The following UNC5B variants were observed in gnomAD, a reference collection of about 807,000 sequenced individuals.
UNC5B encodes netrin receptor UNC5B.
UNC5B carries 56 observed loss-of-function variants against 103.7 expected under a neutral mutation model. The ratio of observed to expected loss-of-function variants is 0.54; its 90% CI spans 0.44 to 0.67. The LOEUF (loss-of-function observed/expected upper bound fraction) is 0.67. UNC5B is among the 30% of genes least tolerant of loss of function. The pLI is 0.00. For synonymous variants in UNC5B, 577 were observed against 542.0 expected (o/e 1.06, Z -0.90); for missense variants, 1,194 against 1,284.5 (o/e 0.93, Z 1.08).
In UNC5B at chr10:71,299,571, C is replaced by T. The variant is rs142620431; in HGVS notation, c.*294C>T. On this transcript the variant is annotated 3_prime_UTR_variant, in exon 17 of 17. Coordinates refer to ENST00000335350, the MANE Select transcript of UNC5B (RefSeq NM_170744.5). ...GCCTCTGGAGGCAGTTGGTTGGGGG[C>T]GGGCAGGCAGGAGGCCCTCCCTCCA... The T allele has an allele frequency of 3.4e-4, 102 of 297,144 alleles. 2 individuals are homozygous for T. In the Admixed American group the frequency reaches 3.9e-3, roughly 11 times the overall value. 18.4% of individuals were successfully genotyped at this position (297,144 alleles called of 1,614,324 possible).
chr10:71,241,982 C>T (rs961779381), intron 1 of UNC5B, among the ~76,000 whole-genome samples: 1 of 152,128 alleles, frequency 6.6e-6, no homozygotes, highest in Admixed American at 6.5e-5. Flanking sequence ...GCCTAGCAGT[C>T]CCTGGCTGCC....
intron 3 of UNC5B, 116 bp downstream of exon 3, chr10:71,284,979 C>G: frequency 1.4e-6 from 2 of 1,436,132 alleles, no homozygotes; most frequent in Admixed American, 4.7e-5. Context: ...CTGAGGATGC[C>G]CACGGCAGAG....
At chr10:71,231,285 G>C (rs1044482491) in intron 1 of UNC5B, among the ~76,000 whole-genome samples, 1 of 152,174 alleles carries the variant, frequency 6.6e-6, no homozygotes, top group Non-Finnish European at 1.5e-5. Flanking sequence ...GCGAGAGTAT[G>C]GGCTCGGCCA....
intron 1 of UNC5B, among the ~76,000 whole-genome samples, chr10:71,250,351 C>A (rs1331252836): frequency 6.6e-6 from 1 of 152,260 alleles, no homozygotes; most frequent in Non-Finnish European, 1.5e-5. Flanking sequence ...CATCATTGCC[C>A]CTCTCCCAGC....
At chr10:71,224,548 C>G (rs1843523524) in intron 1 of UNC5B, among the ~76,000 whole-genome samples, 1 of 152,200 alleles carries the variant, frequency 6.6e-6, no homozygotes, top group African/African-American at 2.4e-5. Context: ...TTGGGCCAGT[C>G]CTTTTCCCTC....
intron 1 of UNC5B, among the ~76,000 whole-genome samples, chr10:71,264,156 G>C (rs1844473316): frequency 6.6e-6 from 1 of 152,180 alleles, no homozygotes; most frequent in African/African-American, 2.4e-5. Context: ...CTGCCACTTA[G>C]TAACTGTCTG....
intron 2 of UNC5B, among the ~76,000 whole-genome samples, chr10:71,284,322 G>A (rs1209564856): frequency 6.6e-6 from 1 of 152,220 alleles, no homozygotes; most frequent in Non-Finnish European, 1.5e-5. Flanking sequence ...GGGCCTGGAA[G>A]ACACCCGGTG....
intron 1 of UNC5B, among the ~76,000 whole-genome samples, chr10:71,253,214 C>T (rs1477357240): frequency 6.6e-6 from 1 of 152,190 alleles, no homozygotes; most frequent in African/African-American, 2.4e-5. Context: ...GCCCAACCCT[C>T]CCCAGCACTG....
At chr10:71,297,819 G>T in intron 15 of UNC5B, 90 bp from the exon 16 acceptor site, 1 of 1,391,174 alleles carries the variant, frequency 7.2e-7, no homozygotes, top group Non-Finnish European at 9.8e-7. Flanking sequence ...GTGACTCAAG[G>T]CTCAATGAGC....
intron 1 of UNC5B, among the ~76,000 whole-genome samples, chr10:71,239,779 T>C (rs1019270431): frequency 2.0e-5 from 3 of 152,180 alleles, no homozygotes; most frequent in Admixed American, 2.0e-4. Flanking sequence ...AGAGGGCCCC[T>C]GGGTGACCCT....
At position 71,286,812 on chromosome 10, in the gene UNC5B, G is replaced by T. The variant is rs199873525; in HGVS notation, c.676G>T (p.Val226Leu). Residue 226 changes from valine (V) to leucine (L), a missense_variant, in exon 5 of 17, where the codon GTG (valine) becomes TTG (leucine). Physicochemically the swap from Val to Leu is conservative, Grantham distance 32 (BLOSUM62 1). Transcript: ENST00000335350. The part of the protein sequence containing the change: ...RLSDTANYTC[V>L]AKNIVAKRRS... ...GTCGGACACTGCCAACTATACCTGCGTGGCCAAGAACATCGTGGCCAAACG... is the reference window on the plus strand; with the variant it reads ...GTCGGACACTGCCAACTATACCTGCTTGGCCAAGAACATCGTGGCCAAACG... 6.2e-7 allele frequency: 1 copy of T among 1,614,174 alleles called. No individual in the cohort carries two copies. The highest frequency in any genetic ancestry group is 8.5e-7 in the Non-Finnish European group (1 of 1,180,038).
chr10:71,221,551 GT>G (rs1197289614), intron 1 of UNC5B, among the ~76,000 whole-genome samples: 2 of 152,250 alleles, frequency 1.3e-5, no homozygotes, highest in Non-Finnish European at 2.9e-5. Flanking sequence ...GCCTGAGCAA[GT>G]GCTGAGCTCC....
chr10:71,223,128 G>T (rs1375521160), intron 1 of UNC5B, among the ~76,000 whole-genome samples: 10 of 152,180 alleles, frequency 6.6e-5, no homozygotes, highest in Admixed American at 1.3e-4. Flanking sequence ...GGGGAGACAG[G>T]TTCAGCAGGG....
intron 2 of UNC5B, among the ~76,000 whole-genome samples, chr10:71,283,340 G>C (rs1589192091): frequency 1.3e-5 from 2 of 152,218 alleles, no homozygotes; most frequent in Admixed American, 1.3e-4. Flanking sequence ...GGGCGCTGTG[G>C]CGGAGTAGTC....
At position 71,212,773 on chromosome 10, in the gene UNC5B, G is replaced by C. The variant is rs1478522309; in HGVS notation, c.-213G>C. 2.5e-5 allele frequency: 9 copies of C among 361,932 alleles called. No individual in the cohort carries two copies. The highest frequency in any genetic ancestry group is 1.3e-4 in the African/African-American group (6 of 47,100). 22.4% of individuals were successfully genotyped at this position (361,932 alleles called of 1,614,324 possible). A position where few individuals can be genotyped will look rare whatever the true frequency, so the allele number is the denominator to read the frequency against. ...AGAGGGGCGCGCCGGAGCCTCGTTCGAGAGCCGGCGCCAGGCACCCACCGC... is the reference window on the plus strand; with the variant it reads ...AGAGGGGCGCGCCGGAGCCTCGTTCCAGAGCCGGCGCCAGGCACCCACCGC... On this transcript the variant is annotated 5_prime_UTR_variant, in exon 1 of 17. Coordinates refer to ENST00000335350, the MANE Select transcript of UNC5B (RefSeq NM_170744.5).
chr10:71,233,763 T>C (rs936604303), intron 1 of UNC5B, among the ~76,000 whole-genome samples: 9 of 152,208 alleles, frequency 5.9e-5, no homozygotes, highest in African/African-American at 2.2e-4. Flanking sequence ...AGTGTGCCTT[T>C]AATCCCCAGC....
intron 1 of UNC5B, among the ~76,000 whole-genome samples, chr10:71,237,442 G>T (rs760488739): frequency 1.3e-5 from 2 of 152,176 alleles, no homozygotes; most frequent in African/African-American, 2.4e-5. Flanking sequence ...TTTGGAGTTG[G>T]TTAGCCTGGG....
Position 71,244,445 on chromosome 10 carries a change from T to TA in UNC5B, c.79+31382dup, listed in dbSNP as rs1843977206. Among the ~76,000 whole-genome samples, 7 of 152,178 alleles carry TA rather than the reference T, an allele frequency of 4.6e-5. No homozygotes were observed. In the South Asian group the frequency reaches 1.4e-3, roughly 32 times the overall value. ...GGCACTGCAGAAGGTTTACAGTAAA[T>TA]ATCAGTTGGGTGAATGGCCTCTAGT... On this transcript the variant is annotated intron_variant, in intron 1 of 16. Coordinates refer to ENST00000335350, the MANE Select transcript of UNC5B (RefSeq NM_170744.5).
At chr10:71,229,146 G>A (rs2132247806) in intron 1 of UNC5B, among the ~76,000 whole-genome samples, 1 of 152,370 alleles carries the variant, frequency 6.6e-6, no homozygotes, top group South Asian at 2.1e-4. Flanking sequence ...CTAAAGAGCT[G>A]TTGATTGATG....
Sources: gnomAD v4.1 joint callset for allele counts (sites outside exome capture counted in the v4.1 genomes callset) on GRCh38, gnomAD v4.1.1 for gene constraint, MANE v1.5 for transcripts, NCBI Gene and HGNC (gene_info 2026-07-23, HGNC 2026-07-21) for gene names.